The following SIN3B variants were observed in gnomAD, a reference collection of about 807,000 sequenced individuals.
SIN3B encodes SIN3 transcription regulator family member B.
SIN3B carries 19 observed loss-of-function variants against 120.2 expected under a neutral mutation model. The ratio of observed to expected loss-of-function variants is 0.16; its 90% CI spans 0.11 to 0.23. The LOEUF (loss-of-function observed/expected upper bound fraction) is 0.23, where lower values mean the gene tolerates loss of function less well. Among genes scored for constraint, SIN3B ranks in the 10% least tolerant of loss-of-function variants. SIN3B has a pLI of 1.00. For missense variants in SIN3B, 1,073 were observed against 1,573.0 expected (o/e 0.68, Z 5.38); for synonymous variants, 654 against 653.2 (o/e 1.00, Z -0.02).
At chr19:16,852,927 T>C (rs1324978238) in intron 6 of SIN3B, 142 bp from the exon 7 acceptor site, 2 of 602,198 alleles carry the variant, frequency 3.3e-6, no homozygotes, top group Non-Finnish European at 5.7e-6. Flanking sequence ...ACTGAGCGGC[T>C]CCTGCCTGTC....
At chr19:16,875,090 TA>T (rs2051572327) in intron 14 of SIN3B, among the ~76,000 whole-genome samples, 2 of 150,122 alleles carry the variant, frequency 1.3e-5, no homozygotes, top group African/African-American at 4.9e-5. Context: ...TGGTCTGGTT[TA>T]GTTTGGTCTG....
rs939265518 is a variant in SIN3B, at chr19:16,829,607, C to T, written c.120+67C>T. On this transcript the variant is annotated intron_variant, in intron 1 of 18. Transcript: ENST00000248054. The stretch of plus-strand genomic sequence containing the variant: ...GGACCCCGCGGGCGGGCGCCCCTCA[C>T]CCAGGCCCCGCCCGGCCCCAGCCCC... 9 of 1,250,116 alleles carry T rather than the reference C, an allele frequency of 7.2e-6. No individual in the cohort carries two copies. In the African/African-American group the frequency reaches 1.2e-4, roughly 17 times the overall value. 77.4% of individuals were successfully genotyped at this position (1,250,116 alleles called of 1,614,324 possible). A position where few individuals can be genotyped will look rare whatever the true frequency, so the allele number is the denominator to read the frequency against.
intron 8 of SIN3B, chr19:16,855,063 G>A (rs1353879026): frequency 1.3e-5 from 2 of 152,168 alleles, no homozygotes; most frequent in African/African-American, 2.4e-5. Flanking sequence ...TGTTGATGAT[G>A]TTGAGTGAGG....
intron 4 of SIN3B, among the ~76,000 whole-genome samples, chr19:16,845,018 C>G (rs1971462693): frequency 6.6e-6 from 1 of 152,198 alleles, no homozygotes; most frequent in Admixed American, 6.5e-5. Flanking sequence ...CTGCATTCAC[C>G]TGGTGTTTCT....
intron 6 of SIN3B, among the ~76,000 whole-genome samples, 183 bp downstream of exon 6, chr19:16,851,717 G>A (rs1019169536): frequency 6.6e-6 from 1 of 152,228 alleles, no homozygotes. Flanking sequence ...CTGTTCTTCC[G>A]TTCTCCCTGT....
chr19:16,840,298 AAG>A (rs1265767323), intron 3 of SIN3B, among the ~76,000 whole-genome samples: 2 of 152,058 alleles, frequency 1.3e-5, no homozygotes, highest in Non-Finnish European at 2.9e-5. Context: ...GTGTCCTTAT[AAG>A]AGAGGAGATT....
chr19:16,870,324 T>C (rs2051493663), intron 13 of SIN3B, among the ~76,000 whole-genome samples: 1 of 152,028 alleles, frequency 6.6e-6, no homozygotes, highest in Admixed American at 6.5e-5. Context: ...TGGGGAACAT[T>C]TGTTTCTCAT....
intron 8 of SIN3B, among the ~76,000 whole-genome samples, chr19:16,857,797 C>T (rs1308885910): frequency 6.6e-6 from 1 of 152,220 alleles, no homozygotes; most frequent in African/African-American, 2.4e-5. Context: ...AGGTGGGCAT[C>T]GCCAAATACA....
chr19:16,867,879 A>G (rs752309903), intron 12 of SIN3B, among the ~76,000 whole-genome samples: 4 of 151,942 alleles, frequency 2.6e-5, no homozygotes, highest in Non-Finnish European at 5.9e-5. Flanking sequence ...CAAGCCCAAG[A>G]CCCCGTATAG....
chr19:16,862,785 G>C lies in SIN3B; in HGVS notation c.1266+226G>C. 2.8e-6 allele frequency: 3 copies of C among 1,065,544 alleles called. No individual in the cohort carries two copies. The highest frequency in any genetic ancestry group is 2.9e-6 in the Non-Finnish European group (2 of 691,812). The allele number at this position is 1,065,544 out of a possible 1,614,324, so 66.0% of individuals were successfully genotyped here. ...CAAAACACAGAGTGCCAGGGATAAC[G>C]TGGAGTTCGGCTTATTCATCTGTTA... On this transcript the variant is annotated intron_variant, in intron 9 of 18. Transcript: ENST00000248054. The surrounding 1 kb of genome is among the most constrained non-coding windows in gnomAD (Gnocchi z 4.7).
At chr19:16,857,515 A>ATGTGTGTGTGTGTG (rs1555742137) in intron 8 of SIN3B, among the ~76,000 whole-genome samples, 1 of 62,160 alleles carries the variant, frequency 1.6e-5, no homozygotes, top group Admixed American at 1.3e-4. Flanking sequence ...CTTAAAAAAA[A>ATGTGTGTGTGTGTG]TATGTGTGTG....
At chr19:16,840,589 G>C (rs539554081) in intron 3 of SIN3B, among the ~76,000 whole-genome samples, 1 of 152,322 alleles carries the variant, frequency 6.6e-6, no homozygotes, top group Non-Finnish European at 1.5e-5. Context: ...AGTACAAGAC[G>C]GTAGTGGTGT....
At chr19:16,831,198 G>C (rs180712865) in intron 2 of SIN3B, among the ~76,000 whole-genome samples, 6 of 152,172 alleles carry the variant, frequency 3.9e-5, no homozygotes, top group Non-Finnish European at 8.8e-5. Context: ...GAGTAGCTGG[G>C]ACTGCAGGCA....
At chr19:16,844,545 G>A (rs1971456989) in intron 4 of SIN3B, among the ~76,000 whole-genome samples, 1 of 152,168 alleles carries the variant, frequency 6.6e-6, no homozygotes, top group Non-Finnish European at 1.5e-5. Flanking sequence ...TGTGTGTGCT[G>A]GGATGAACAG....
At chr19:16,865,249 G>A in intron 10 of SIN3B, 161 bp from the exon 11 acceptor site, 1 of 603,924 alleles carries the variant, frequency 1.7e-6, no homozygotes, top group Non-Finnish European at 3.0e-6. Context: ...AGCTTTGATT[G>A]TGCCACAGCA....
At chr19:16,869,399 C>A in intron 12 of SIN3B, 61 bp from the exon 13 acceptor site, 1 of 1,512,162 alleles carries the variant, frequency 6.6e-7, no homozygotes, top group South Asian at 1.3e-5. Flanking sequence ...CGTGAATGGG[C>A]ACTGGGGGTC....
Position 16,876,763 on chromosome 19 carries a change from T to C in SIN3B, c.2859+185T>C, listed in dbSNP as rs1487261477. ...CTCCCTGCTCCCCCACCAGGCTCTC[T>C]TCTGTGCCCCCTCTCCAAAGAGCAG... On this transcript the variant is annotated intron_variant, in intron 16 of 18. Transcript: ENST00000248054. The surrounding 1 kb of genome is among the most constrained non-coding windows in gnomAD (Gnocchi z 7.1). Among the ~76,000 whole-genome samples the C allele has an allele frequency of 1.3e-5, 2 of 152,136 alleles. No individual in the cohort carries two copies. Among genetic ancestry groups the C allele is most frequent in the Admixed American group, 1.3e-4 (2 of 15,288 alleles).
chr19:16,852,018 A>G (rs992635069), intron 6 of SIN3B, among the ~76,000 whole-genome samples: 2 of 152,120 alleles, frequency 1.3e-5, no homozygotes, highest in East Asian at 1.9e-4. Context: ...TCGTCCTCCC[A>G]TTTATTTAGT....
chr19:16,832,279 C>T (rs1489549341), intron 3 of SIN3B, among the ~76,000 whole-genome samples: 1 of 147,708 alleles, frequency 6.8e-6, no homozygotes, highest in African/African-American at 2.5e-5. Flanking sequence ...CTCAGTGCAA[C>T]CTCCGCCTCC....
Sources: gnomAD v4.1 joint callset for allele counts (sites outside exome capture counted in the v4.1 genomes callset) on GRCh38, gnomAD v4.1.1 for gene constraint, Gnocchi (gnomAD v3.1) non-coding constraint, MANE v1.5 for transcripts, NCBI Gene and HGNC (gene_info 2026-07-23, HGNC 2026-07-21) for gene names.